Variants in USP34 observed in about 807,000 individuals in gnomAD.
USP34 encodes ubiquitin specific peptidase 34.
A neutral mutation model predicts 460.3 loss-of-function variants in USP34; 70 were observed. The ratio of observed to expected loss-of-function variants is 0.15; its 90% CI spans 0.13 to 0.19. USP34 has a LOEUF of 0.19. USP34 is among the 10% of genes least tolerant of loss of function. The pLI is 1.00. For missense variants in USP34, 3,985 were observed against 4,236.2 expected, an observed-to-expected ratio of 0.94 and a Z score of 1.65; for synonymous variants, 1,647 against 1,405.3, an observed-to-expected ratio of 1.17 and a Z score of -3.85.
At chr2:61,381,587 C>T (rs888869299) in intron 6 of USP34, among the ~76,000 whole-genome samples, 12 of 152,144 alleles carry the variant, frequency 7.9e-5, no homozygotes, top group African/African-American at 2.9e-4. Flanking sequence ...CCTCCCGCCT[C>T]GGCCTCCCAA....
intron 5 of USP34, among the ~76,000 whole-genome samples, chr2:61,391,472 G>GT (rs1380330899): frequency 4.1e-4 from 63 of 152,104 alleles, no homozygotes; most frequent in Non-Finnish European, 3.1e-4. Context: ...ACGTTAGTCC[G>GT]TATCTTTCCT....
At chr2:61,370,650 C>T (rs996240643) in intron 8 of USP34, 71 bp from the exon 9 acceptor site, 1 of 1,383,902 alleles carries the variant, frequency 7.2e-7, no homozygotes, top group African/African-American at 1.5e-5. Flanking sequence ...AAGGTAGAGT[C>T]AATTGAAAAC....
chr2:61,369,640 C>G (rs549814361), intron 10 of USP34, among the ~76,000 whole-genome samples: 2 of 52,702 alleles, frequency 3.8e-5, no homozygotes, highest in African/African-American at 1.6e-4. Context: ...AAGATTCCGT[C>G]TCAAAAAAAA....
At chr2:61,359,669 T>G (rs1176329760) in intron 10 of USP34, among the ~76,000 whole-genome samples, 3 of 146,876 alleles carry the variant, frequency 2.0e-5, no homozygotes, top group African/African-American at 7.6e-5. Context: ...CAGCAAAAAA[T>G]AAAGCATCTG....
Position 61,188,605 on chromosome 2 carries a change from G to A in USP34, c.10138C>T (p.Leu3380=), listed in dbSNP as rs1683710221. 6.2e-7 allele frequency: 1 copy of A among 1,614,066 alleles called. No homozygotes were observed. The highest frequency in any genetic ancestry group is 1.7e-5 in the Admixed American group (1 of 60,008). Residue 3380 remains leucine (L), a synonymous_variant, in exon 80 of 80, where the codon CTG becomes TTG. Transcript: ENST00000398571. ...TTGTCAGAAGTGCTCGTTGGGGTCA[G>A]GACCTCCCTGGTTTCTGTTTTCATG... ...SDMKTETREV[L]TPTSTSDNET... is the part of the protein sequence containing the mutation.
chr2:61,262,346 C>T (rs962829778), intron 43 of USP34, among the ~76,000 whole-genome samples: 2 of 151,964 alleles, frequency 1.3e-5, no homozygotes, highest in African/African-American at 4.8e-5. Flanking sequence ...TCCCACACTC[C>T]ACCCTCAGGT....
intron 19 of USP34, among the ~76,000 whole-genome samples, chr2:61,332,591 C>A (rs1379261848): frequency 6.6e-6 from 1 of 151,936 alleles, no homozygotes; most frequent in Non-Finnish European, 1.5e-5. Flanking sequence ...CCTGCTCGCC[C>A]GTGTTAGCAC....
intron 41 of USP34, among the ~76,000 whole-genome samples, chr2:61,267,386 T>C (rs916382177): frequency 1.3e-5 from 2 of 152,082 alleles, no homozygotes; most frequent in African/African-American, 4.8e-5. Context: ...GTGTAATTCA[T>C]AGTTCTTAGC....
At position 61,314,591 on chromosome 2, in the gene USP34, C is replaced by T; in HGVS notation, c.3536G>A (p.Arg1179Lys). 6.6e-7 allele frequency: 1 copy of T among 1,514,024 alleles called. No homozygotes were observed. The highest frequency in any genetic ancestry group is 8.8e-7 in the Non-Finnish European group (1 of 1,138,502). The allele number at this position is 1,514,024 out of a possible 1,614,324, so 93.8% of individuals were successfully genotyped here. Residue 1179 changes from arginine (R) to lysine (K), a missense_variant, in exon 25 of 80, where the codon AGG becomes AAG. Arg to Lys is a conservative substitution (Grantham distance 26). Coordinates refer to ENST00000398571, the MANE Select transcript of USP34 (RefSeq NM_014709.4). ...LMLKTHLEAF[R>K]RRFAYHLRQW... ...GTGATATTTTAAAAATTACCTTCTC[C>T]TAAACGCTTCCAGATGTGTCTTCAG... is the stretch of plus-strand genomic sequence containing the variant.
chr2:61,243,450 A>G (rs943199521), intron 51 of USP34, among the ~76,000 whole-genome samples: 9 of 152,202 alleles, frequency 5.9e-5, no homozygotes, highest in African/African-American at 1.7e-4. Context: ...CCCGGCCTCA[A>G]AACATTTTTT....
rs568542520 is a variant in USP34, at chr2:61,188,523, G to C, written c.10220C>G (p.Pro3407Arg). Residue 3407 changes from proline to arginine, a missense_variant, in exon 80 of 80, where the codon CCT (proline) becomes CGT (arginine). This residue lies in a region of USP34 where 506 missense variants were observed against 439.0 expected (regional missense o/e 1.15). Transcript: ENST00000398571. ...GTATTCTTTAACAGAACTATTTTCA[G>C]GGGAAGGAAGATCTTGCTCAGTTCC... is the stretch of plus-strand genomic sequence containing the variant. The part of the protein sequence containing the change: ...DPGTEQDLPS[P>R]ENSSVKEYRM... 6.2e-7 allele frequency: 1 copy of C among 1,614,200 alleles called. No individual in the cohort carries two copies. Among genetic ancestry groups the C allele is most frequent in the African/African-American group, 1.3e-5 (1 of 75,046 alleles).
At chr2:61,406,300 A>T (rs189165983) in intron 2 of USP34, among the ~76,000 whole-genome samples, 172 bp from the exon 3 acceptor site, 6 of 152,116 alleles carry the variant, frequency 3.9e-5, no homozygotes, top group Admixed American at 1.3e-4. Context: ...ACAACAACTG[A>T]TATTTTAGTT....
chr2:61,446,043 G>A (rs1695105544), intron 1 of USP34, among the ~76,000 whole-genome samples: 1 of 150,020 alleles, frequency 6.7e-6, no homozygotes, highest in Non-Finnish European at 1.5e-5. Flanking sequence ...AACCCAGGAA[G>A]GCAGAGATTA....
intron 64 of USP34, 86 bp downstream of exon 64, chr2:61,222,974 G>A (rs1687628512): frequency 2.5e-6 from 3 of 1,219,148 alleles, no homozygotes; most frequent in South Asian, 3.0e-5. Context: ...TGGGATTACA[G>A]GCATGAGCCA....
chr2:61,360,702 G>A (rs1692249299), intron 10 of USP34, among the ~76,000 whole-genome samples: 1 of 152,208 alleles, frequency 6.6e-6, no homozygotes, highest in South Asian at 2.1e-4. Flanking sequence ...TGTCAGCCAA[G>A]CTGGAGTACA....
chr2:61,400,661 G>C (rs1693689766), intron 3 of USP34, among the ~76,000 whole-genome samples: 1 of 152,026 alleles, frequency 6.6e-6, no homozygotes, highest in Admixed American at 6.6e-5. Context: ...GCCAGCCCAG[G>C]AAACAGAGCA....
chr2:61,441,759 C>T (rs1281406918), intron 1 of USP34, among the ~76,000 whole-genome samples: 1 of 135,190 alleles, frequency 7.4e-6, no homozygotes, highest in Non-Finnish European at 1.5e-5. Context: ...TGTGATGGTA[C>T]CACTGAACTA....
chr2:61,236,624 A>G (rs1688075660), intron 53 of USP34, among the ~76,000 whole-genome samples: 1 of 152,190 alleles, frequency 6.6e-6, no homozygotes, highest in Non-Finnish European at 1.5e-5. Context: ...TTTTTATTGT[A>G]TTTATAAAAA....
intron 1 of USP34, among the ~76,000 whole-genome samples, chr2:61,466,351 G>A (rs746286174): frequency 1.3e-5 from 2 of 152,126 alleles, no homozygotes; most frequent in Non-Finnish European, 2.9e-5. Flanking sequence ...CTTAAGCCCA[G>A]GAAGCGGAGG....
Sources: allele counts gnomAD v4.1 joint callset (sites outside exome capture counted in the v4.1 genomes callset), GRCh38; gene constraint gnomAD v4.1.1; regional missense constraint gnomAD v4.1.1; transcripts MANE v1.5; gene names NCBI Gene and HGNC (gene_info 2026-07-23, HGNC 2026-07-21).